Variants in SH3BGRL2 observed in about 807,000 individuals in gnomAD.
The protein encoded by SH3BGRL2 is SH3 domain binding glutamate rich protein like 2.
A neutral mutation model predicts 14.8 loss-of-function variants in SH3BGRL2; 21 were observed. That is an observed-to-expected ratio of 1.42 (90% CI 1.01 to 2.05). The LOEUF (loss-of-function observed/expected upper bound fraction) is 2.05. Among genes scored for constraint, SH3BGRL2 ranks in the 30% most tolerant of loss-of-function variants. SH3BGRL2 has a pLI of 0.00. For synonymous variants in SH3BGRL2, 50 were observed against 47.8 expected, an observed-to-expected ratio of 1.05 and a Z score of -0.19; for missense variants, 147 against 130.8, an observed-to-expected ratio of 1.12 and a Z score of -0.61.
chr6:79,582,226 AT>A, the SH3BGRL2 span, among the ~76,000 whole-genome samples: 1 of 152,188 alleles, frequency 6.6e-6, no homozygotes, highest in South Asian at 2.1e-4. Context: ...TAATTTATAG[AT>A]TCAATGCCAT....
At chr6:79,634,919 T>A (rs1768894272) in intron 1 of SH3BGRL2, among the ~76,000 whole-genome samples, 1 of 152,128 alleles carries the variant, frequency 6.6e-6, no homozygotes, top group African/African-American at 2.4e-5. Context: ...ATTTGGAGCC[T>A]GGGAGAGAGT....
At position 79,658,763 on chromosome 6, in the gene SH3BGRL2, T is replaced by A. The variant is rs151089966; in HGVS notation, c.46-14851T>A. 1.5e-3 allele frequency among the ~76,000 whole-genome samples: 223 copies of A among 152,334 alleles called. 2 individuals carry two copies. Among genetic ancestry groups the A allele is most frequent in the Non-Finnish European group, 2.6e-3 (179 of 68,034 alleles). ...AAATAATTTACACTCCCACCAACAG[T>A]GTAAAAGCGTTCCTATTTCTCCATA... On this transcript the variant is annotated intron_variant, in intron 1 of 3. Coordinates refer to ENST00000369838, the MANE Select transcript of SH3BGRL2 (RefSeq NM_031469.4).
chr6:79,670,028 G>A (rs889649685), intron 1 of SH3BGRL2, among the ~76,000 whole-genome samples: 4 of 152,220 alleles, frequency 2.6e-5, no homozygotes, highest in Non-Finnish European at 5.9e-5. Flanking sequence ...CACAGTCTCT[G>A]TTGTAACTTC....
At chr6:79,657,615 T>A (rs1220665456) in intron 1 of SH3BGRL2, among the ~76,000 whole-genome samples, 1 of 152,058 alleles carries the variant, frequency 6.6e-6, no homozygotes, top group African/African-American at 2.4e-5. Context: ...CTTGTTAATT[T>A]TTTTTAATTT....
the SH3BGRL2 span, among the ~76,000 whole-genome samples, chr6:79,607,901 G>A: frequency 6.4e-4 from 97 of 152,176 alleles, no homozygotes; most frequent in African/African-American, 2.0e-3. Flanking sequence ...AGCCGAGATC[G>A]CACCATTGCA....
At chr6:79,587,913 T>C in the SH3BGRL2 span, among the ~76,000 whole-genome samples, 3 of 152,154 alleles carry the variant, frequency 2.0e-5, no homozygotes, top group Non-Finnish European at 2.9e-5. Flanking sequence ...TGGTGGCTCA[T>C]GCCTGTAATC....
At chr6:79,613,389 T>A in the SH3BGRL2 span, among the ~76,000 whole-genome samples, 1 of 152,216 alleles carries the variant, frequency 6.6e-6, no homozygotes, top group Non-Finnish European at 1.5e-5. Context: ...GTGAAACAGA[T>A]TCACTTCTGA....
At chr6:79,609,954 A>G in the SH3BGRL2 span, among the ~76,000 whole-genome samples, 1 of 152,238 alleles carries the variant, frequency 6.6e-6, no homozygotes, top group African/African-American at 2.4e-5. Context: ...TATGGAAGGC[A>G]TATTTCTAAT....
chr6:79,641,680 A>G (rs76822096), intron 1 of SH3BGRL2, among the ~76,000 whole-genome samples: 2,963 of 152,326 alleles, frequency 0.019, 96 homozygotes, highest in African/African-American at 0.067. Flanking sequence ...GTGCCATGAC[A>G]TACTGAGAAC....
intron 1 of SH3BGRL2, among the ~76,000 whole-genome samples, chr6:79,654,782 G>A (rs1769370702): frequency 6.6e-6 from 1 of 152,164 alleles, no homozygotes; most frequent in East Asian, 1.9e-4. Flanking sequence ...GAAGTGTCAT[G>A]TACCTGCTTG....
chr6:79,557,136 T>G, the SH3BGRL2 span, among the ~76,000 whole-genome samples: 2 of 151,910 alleles, frequency 1.3e-5, no homozygotes, highest in Non-Finnish European at 2.9e-5. Context: ...TATGCACAAC[T>G]GTAGACTACA....
At chr6:79,689,016 A>G (rs1195824903) in intron 2 of SH3BGRL2, among the ~76,000 whole-genome samples, 1 of 151,784 alleles carries the variant, frequency 6.6e-6, no homozygotes, top group East Asian at 1.9e-4. Context: ...GATTTACTTA[A>G]TTGTTACTAA....
At chr6:79,566,750 T>C in the SH3BGRL2 span, among the ~76,000 whole-genome samples, 1 of 151,942 alleles carries the variant, frequency 6.6e-6, no homozygotes, top group Non-Finnish European at 1.5e-5. Context: ...ACCCCATCTC[T>C]ACAAAAAATT....
chr6:79,678,773 T>C (rs1266765303), intron 2 of SH3BGRL2, among the ~76,000 whole-genome samples: 1 of 152,208 alleles, frequency 6.6e-6, no homozygotes, highest in African/African-American at 2.4e-5. Flanking sequence ...TATCCCCTTC[T>C]GTCACCACTC....
At chr6:79,664,396 G>C (rs982850317) in intron 1 of SH3BGRL2, among the ~76,000 whole-genome samples, 3 of 152,216 alleles carry the variant, frequency 2.0e-5, no homozygotes, top group African/African-American at 7.2e-5. Context: ...TTTCACTGCA[G>C]TTCTCTATGC....
chr6:79,569,603 G>A, the SH3BGRL2 span, among the ~76,000 whole-genome samples: 8 of 152,164 alleles, frequency 5.3e-5, no homozygotes, highest in African/African-American at 1.4e-4. Flanking sequence ...TCCAAAGGCG[G>A]AAGGGTAAAA....
chr6:79,618,717 G>A, the SH3BGRL2 span, among the ~76,000 whole-genome samples: 30 of 151,658 alleles, frequency 2.0e-4, no homozygotes, highest in African/African-American at 4.4e-4. Flanking sequence ...TCAAGAGTTC[G>A]AGACCAGCCT....
chr6:79,683,495 G>C (rs946082987), intron 2 of SH3BGRL2, among the ~76,000 whole-genome samples: 2 of 149,386 alleles, frequency 1.3e-5, no homozygotes, highest in African/African-American at 4.9e-5. Context: ...GTCTCGCTCT[G>C]TTGCCCAGGC....
chr6:79,575,099 T>TAC, the SH3BGRL2 span: 5 of 152,230 alleles, frequency 3.3e-5, no homozygotes, highest in African/African-American at 7.2e-5. Flanking sequence ...GAAGAAGACC[T>TAC]ACCTCTCAAT....
Sources: gnomAD v4.1 joint callset for allele counts (sites outside exome capture counted in the v4.1 genomes callset) on GRCh38, gnomAD v4.1.1 for gene constraint, MANE v1.5 for transcripts, NCBI Gene and HGNC (gene_info 2026-07-23, HGNC 2026-07-21) for gene names.